GMDS: variants seen among roughly 807,000 people sequenced by gnomAD.
GMDS encodes GDP-mannose 4,6-dehydratase.
In GMDS, 20 loss-of-function variants were observed where a neutral mutation model predicts 49.9. The observed-to-expected ratio is 0.40, with a 90% CI of 0.28 to 0.58. GMDS has a LOEUF of 0.58. Among genes scored for constraint, GMDS ranks in the 20% least tolerant of loss-of-function variants. The probability of loss-of-function intolerance (pLI) is 0.42; values close to 1 mark genes in which losing one functional copy is unlikely to be tolerated. For missense variants in GMDS, 362 were observed against 481.4 expected (o/e 0.75, Z 2.32); for synonymous variants, 177 against 178.6 (o/e 0.99, Z 0.07).
chr6:2,242,777 A>G (rs531102855), intron 1 of GMDS, among the ~76,000 whole-genome samples: 15 of 152,342 alleles, frequency 9.8e-5, no homozygotes, highest in African/African-American at 3.6e-4. Context: ...CCAGGGATAA[A>G]TGGGGATACT....
intron 4 of GMDS, among the ~76,000 whole-genome samples, chr6:1,969,033 G>A (rs532777888): frequency 1.6e-4 from 24 of 151,816 alleles, no homozygotes; most frequent in African/African-American, 4.8e-4. Flanking sequence ...AGGCCGAGGC[G>A]GGCGGATCAC....
intron 4 of GMDS, among the ~76,000 whole-genome samples, chr6:2,051,147 T>C (rs1006127501): frequency 1.3e-5 from 2 of 152,172 alleles, no homozygotes; most frequent in Non-Finnish European, 2.9e-5. Context: ...GCAGGGGCCA[T>C]GAGCCGAGGA....
At position 1,898,131 on chromosome 6, in the gene GMDS, ACCC is replaced by A. The variant is rs1157843289; in HGVS notation, c.771+31969_771+31971del. 1.5e-4 allele frequency among the ~76,000 whole-genome samples: 17 copies of A among 117,172 alleles called. 1 individual carries two copies. Among genetic ancestry groups the A allele is most frequent in the African/African-American group, 3.2e-4 (10 of 31,442 alleles). 76.9% of individuals were successfully genotyped at this position (117,172 alleles called of 152,430 possible). A position where few individuals can be genotyped will look rare whatever the true frequency, so the allele number is the denominator to read the frequency against. The stretch of plus-strand genomic sequence containing the variant: ...GCCTCCCTTGCCATCCTGGACACCT[ACCC>A]TGGCCTCCCTTGCCATCCTGGACAC... On this transcript the variant is annotated intron_variant, in intron 7 of 10. Transcript: ENST00000380815.
intron 1 of GMDS, among the ~76,000 whole-genome samples, chr6:2,167,629 C>T (rs140235378): frequency 6.6e-6 from 1 of 152,266 alleles, no homozygotes; most frequent in East Asian, 1.9e-4. Flanking sequence ...GCATCTTCCC[C>T]CACCCTCACA....
rs1225861104 is a variant in GMDS at position 2,245,389 on chromosome 6, G to A, written c.34C>T (p.Arg12Trp). ...AHAPARCPSA[R>W]GSGDGEMGKP... ...CCCATCTCGCCGTCCCCGGAGCCCC[G>A]GGCGCTGGGGCAGCGTGCCGGTGCG... Residue 12 changes from arginine (R) to tryptophan (W), a missense_variant, in exon 1 of 11, where the codon CGG (arginine) becomes TGG (tryptophan). Transcript: ENST00000380815. 4.5e-6 allele frequency: 7 copies of A among 1,541,832 alleles called. No individual in the cohort carries two copies. Among genetic ancestry groups the A allele is most frequent in the East Asian group, 2.5e-5 (1 of 40,740 alleles).
intron 4 of GMDS, among the ~76,000 whole-genome samples, chr6:1,972,089 C>T (rs772883071): frequency 2.0e-4 from 31 of 152,134 alleles, no homozygotes; most frequent in Non-Finnish European, 2.9e-5. Context: ...GTTATAACTC[C>T]GTGGTCACAA....
chr6:1,973,133 G>C (rs750861212), intron 4 of GMDS, among the ~76,000 whole-genome samples: 4 of 152,132 alleles, frequency 2.6e-5, no homozygotes, highest in Non-Finnish European at 5.9e-5. Flanking sequence ...AAATCTGCAC[G>C]TGTGTGACCT....
At chr6:2,169,181 T>G (rs1451585748) in intron 1 of GMDS, among the ~76,000 whole-genome samples, 1 of 152,180 alleles carries the variant, frequency 6.6e-6, no homozygotes, top group African/African-American at 2.4e-5. Flanking sequence ...AGGGACAAAT[T>G]AAGAACTGGA....
chr6:1,974,627 A>G (rs1198591569), intron 4 of GMDS, among the ~76,000 whole-genome samples: 2 of 152,140 alleles, frequency 1.3e-5, no homozygotes, highest in African/African-American at 4.8e-5. Context: ...AGACAAACTA[A>G]AATGTCGACA....
intron 6 of GMDS, among the ~76,000 whole-genome samples, chr6:1,941,843 C>G (rs1762837500): frequency 6.6e-6 from 1 of 152,144 alleles, no homozygotes; most frequent in Non-Finnish European, 1.5e-5. Flanking sequence ...GTAGGGAGAA[C>G]ACAAACGCAG....
At chr6:2,063,083 C>A in intron 4 of GMDS, among the ~76,000 whole-genome samples, 1 of 152,186 alleles carries the variant, frequency 6.6e-6, no homozygotes, top group East Asian at 1.9e-4. Flanking sequence ...AAGCCCAGGA[C>A]AAGGTTTCTG....
At chr6:1,988,487 AC>A (rs1765704436) in intron 4 of GMDS, among the ~76,000 whole-genome samples, 1 of 152,140 alleles carries the variant, frequency 6.6e-6, no homozygotes, top group East Asian at 1.9e-4. Context: ...GGGGCTCCAA[AC>A]CCAGGGTGCT....
intron 4 of GMDS, among the ~76,000 whole-genome samples, chr6:2,070,078 C>T (rs1167529386): frequency 3.3e-5 from 5 of 151,326 alleles, no homozygotes; most frequent in Non-Finnish European, 7.4e-5. Flanking sequence ...CCATGGAATA[C>T]TATGCAGCCA....
At chr6:1,807,585 T>C (rs1400351143) in intron 7 of GMDS, among the ~76,000 whole-genome samples, 1 of 152,192 alleles carries the variant, frequency 6.6e-6, no homozygotes, top group Non-Finnish European at 1.5e-5. Context: ...ATTAGGATAG[T>C]TTTTATAAAT....
Position 1,640,024 on chromosome 6 carries a change from GATAA to G in GMDS, c.988-15488_988-15485del, listed in dbSNP as rs1763279683. 6.6e-6 allele frequency among the ~76,000 whole-genome samples: 1 copy of G among 152,188 alleles called. No individual in the cohort carries two copies. Among genetic ancestry groups the G allele is most frequent in the South Asian group, 2.1e-4 (1 of 4,820 alleles). On this transcript the variant is annotated intron_variant, in intron 9 of 10. Coordinates refer to ENST00000380815, the MANE Select transcript of GMDS (RefSeq NM_001500.4). The surrounding 1 kb of genome is among the most constrained non-coding windows in gnomAD (Gnocchi z 4.0). ...ATATCGACCAATGCTAAAGATCAGAGATAAAATCAGTGCCTGATGTTGGGTAAGT... is the reference window on the plus strand; with the variant it reads ...ATATCGACCAATGCTAAAGATCAGAGAATCAGTGCCTGATGTTGGGTAAGT...
chr6:1,911,122 G>T (rs1180483950), intron 7 of GMDS, among the ~76,000 whole-genome samples: 2 of 151,940 alleles, frequency 1.3e-5, no homozygotes, highest in African/African-American at 4.8e-5. Context: ...ATTTGATGTG[G>T]GTAATAGACA....
intron 4 of GMDS, among the ~76,000 whole-genome samples, chr6:2,103,934 G>A (rs1156933731): frequency 6.6e-6 from 1 of 152,186 alleles, no homozygotes; most frequent in African/African-American, 2.4e-5. Context: ...CCAGTATGGG[G>A]ACTGAACCAT....
intron 9 of GMDS, among the ~76,000 whole-genome samples, chr6:1,672,288 T>C (rs1365160424): frequency 6.6e-6 from 1 of 152,162 alleles, no homozygotes; most frequent in Non-Finnish European, 1.5e-5. Flanking sequence ...AGAGTCAGGA[T>C]AGACATGGAG....
At chr6:1,804,025 T>A (rs1050200931) in intron 7 of GMDS, among the ~76,000 whole-genome samples, 1 of 152,150 alleles carries the variant, frequency 6.6e-6, no homozygotes, top group Non-Finnish European at 1.5e-5. Context: ...GGGGTTTCAA[T>A]AAAAGAGAAG....
Sources: allele counts gnomAD v4.1 joint callset (sites outside exome capture counted in the v4.1 genomes callset), GRCh38; gene constraint gnomAD v4.1.1; non-coding constraint Gnocchi (gnomAD v3.1); transcripts MANE v1.5; gene names NCBI Gene and HGNC (gene_info 2026-07-23, HGNC 2026-07-21).